HPS5: variants seen among roughly 807,000 people sequenced by gnomAD.
The protein encoded by HPS5 is BLOC-2 complex member HPS5.
HPS5 carries 83 observed loss-of-function variants against 128.0 expected under a neutral mutation model. The observed-to-expected ratio is 0.65, with a 90% confidence interval of 0.54 to 0.78. The LOEUF (loss-of-function observed/expected upper bound fraction) is 0.78. HPS5 is among the 30% of genes least tolerant of loss of function. HPS5 has a pLI of 0.00. For synonymous variants in HPS5, 475 were observed against 470.2 expected (o/e 1.01, Z -0.13); for missense variants, 1,281 against 1,326.2 (o/e 0.97, Z 0.53).
intron 10 of HPS5, 100 bp from the exon 11 acceptor site, chr11:18,297,817 C>G (rs780215996): frequency 2.6e-6 from 3 of 1,152,122 alleles, no homozygotes; most frequent in Non-Finnish European, 3.8e-6. Context: ...CGGTGGCTCA[C>G]GCCTGTAATC....
intron 9 of HPS5, among the ~76,000 whole-genome samples, chr11:18,300,204 A>G (rs1861531006): frequency 6.6e-6 from 1 of 152,188 alleles, no homozygotes; most frequent in African/African-American, 2.4e-5. Flanking sequence ...GGTACACTAT[A>G]CACTGCATGT....
In HPS5 at chr11:18,317,885, A is replaced by G. The variant is rs1863837045; in HGVS notation, c.-27T>C. ...TAGCCAGAAAGCTGAAACTTGTTGA[A>G]TGATAGATACAGTATTCCTCACCTG... is the stretch of plus-strand genomic sequence containing the variant. On this transcript the variant is annotated 5_prime_UTR_variant, in exon 2 of 23. Coordinates refer to ENST00000349215, the MANE Select transcript of HPS5 (RefSeq NM_181507.2). The G allele has an allele frequency of 6.2e-7, 1 of 1,606,722 alleles. No homozygotes were observed.
At chr11:18,289,863 A>G (rs1252756634) in intron 16 of HPS5, among the ~76,000 whole-genome samples, 2 of 152,254 alleles carry the variant, frequency 1.3e-5, no homozygotes, top group African/African-American at 4.8e-5. Context: ...AGGGTATGAT[A>G]GCTGGTTTCT....
rs772250942 is a variant in HPS5 at position 18,295,948 on chromosome 11, A to T, written c.1634+51T>A. ...CTCAGCACAAATTACCTAATGTGAG[A>T]ACTGAAATAAGATCAGTAATGGAAT... On this transcript the variant is annotated intron_variant, in intron 13 of 22. Coordinates refer to ENST00000349215, the MANE Select transcript of HPS5 (RefSeq NM_181507.2). 11 of 1,563,648 alleles carry T rather than the reference A, an allele frequency of 7.0e-6. No individual in the cohort carries two copies. In the Admixed American group the frequency reaches 1.7e-4, roughly 24 times the overall value.
chr11:18,291,579 TACTGTTGCAA>T lies in HPS5; in HGVS notation c.2293_2302del (p.Leu765ThrfsTer11). 6.2e-7 allele frequency: 1 copy of T among 1,613,048 alleles called. No individual in the cohort carries two copies. Among genetic ancestry groups the T allele is most frequent in the Non-Finnish European group, 8.5e-7 (1 of 1,179,260 alleles). On this transcript the variant is annotated frameshift_variant, in exon 16 of 23. Transcript: ENST00000349215. LOFTEE classifies it high-confidence loss of function. ...CTGGCAAGCCAGAATTTCAGGAGAG[TACTGTTGCAA>T]AGTGTGGTCCACATGTCCACTGGTG...
Position 18,317,737 on chromosome 11 carries a change from A to T in HPS5, c.108+14T>A. 6.2e-7 allele frequency: 1 copy of T among 1,612,044 alleles called. No individual in the cohort carries two copies. The highest frequency in any genetic ancestry group is 8.5e-7 in the Non-Finnish European group (1 of 1,178,910). On this transcript the variant is annotated intron_variant, in intron 2 of 22. Transcript: ENST00000349215. ...ACGTGAAAATGAAACTGATACAAGG[A>T]TCAAGAAATTCACCTTTAGACGACT...
rs897026690 is a variant in HPS5 at position 18,298,890 on chromosome 11, A to G, written c.1066T>C (p.Ser356Pro). 12 of 1,614,122 alleles carry G rather than the reference A, an allele frequency of 7.4e-6. No homozygotes were observed. The highest frequency in any genetic ancestry group is 5.0e-5 in the Admixed American group (3 of 60,018). ...NGKVSHLSLI[S>P]VERCVERLLR... The stretch of plus-strand genomic sequence containing the variant: ...AGGCGTTCCACACAGCGCTCCACAG[A>G]TATCAGGGAGAGATGTGAGACTTTC... The change falls in exon 10 of 23, where the codon TCT (serine) becomes CCT (proline). Residue 356 changes from serine to proline, a missense_variant. Ser to Pro is a moderately conservative substitution (Grantham distance 74). Coordinates refer to ENST00000349215, the MANE Select transcript of HPS5 (RefSeq NM_181507.2).
At chr11:18,308,820 A>G in intron 6 of HPS5, 126 bp downstream of exon 6, 1 of 855,024 alleles carries the variant, frequency 1.2e-6, no homozygotes. Context: ...CATCTCAAAA[A>G]AAGAAAAAAA....
chr11:18,310,432 C>A (rs1862838198), intron 5 of HPS5, among the ~76,000 whole-genome samples: 1 of 150,514 alleles, frequency 6.6e-6, no homozygotes. Flanking sequence ...AAATAGATAT[C>A]TTTTCTTTCT....
intron 8 of HPS5, among the ~76,000 whole-genome samples, chr11:18,304,216 C>CA (rs1862077501): frequency 7.4e-6 from 1 of 135,526 alleles, no homozygotes; most frequent in Non-Finnish European, 1.6e-5. Flanking sequence ...CTATAATTCA[C>CA]TTTTTTTTTT....
Position 18,279,867 on chromosome 11 carries a change from C to A in HPS5, c.*15G>T. 1.2e-6 allele frequency: 2 copies of A among 1,611,932 alleles called. No homozygotes were observed. The highest frequency in any genetic ancestry group is 1.7e-6 in the Non-Finnish European group (2 of 1,178,000). On this transcript the variant is annotated 3_prime_UTR_variant, in exon 23 of 23. Transcript: ENST00000349215. ...TTTCTCAAAATGTCATGACATCCTG[C>A]TGAATCTTCTCCCACTAGGCCTGCT...
chr11:18,286,557 A>G, intron 19 of HPS5, 34 bp downstream of exon 19: 1 of 1,608,738 alleles, frequency 6.2e-7, no homozygotes, highest in Non-Finnish European at 8.5e-7. Flanking sequence ...AAAAAAGTAA[A>G]GAAAAAAACA....
At chr11:18,286,206 T>G (rs1859687890) in intron 19 of HPS5, among the ~76,000 whole-genome samples, 1 of 152,246 alleles carries the variant, frequency 6.6e-6, no homozygotes, top group Non-Finnish European at 1.5e-5. Flanking sequence ...CATATGTGAA[T>G]AAACCAGTTC....
chr11:18,299,357 G>A (rs141014437), intron 9 of HPS5, among the ~76,000 whole-genome samples: 79 of 152,304 alleles, frequency 5.2e-4, no homozygotes, highest in Non-Finnish European at 9.1e-4. Context: ...TACAGTTCAT[G>A]AGAAAATATC....
In HPS5 at chr11:18,296,981, T is replaced by C; in HGVS notation, c.1327A>G (p.Ser443Gly). ...SRRSSISSHE[S>G]FSILDSGIYR... ...ATACCAGAGTCCAAGATGCTGAAAC[T>C]TTCCTAAAAATTAAAAGAATTCAAA... is the stretch of plus-strand genomic sequence containing the variant. Residue 443 changes from serine to glycine, a missense_variant, in exon 12 of 23, where the codon AGT becomes GGT. Ser to Gly is a moderately conservative substitution (Grantham distance 56, BLOSUM62 0). Coordinates refer to ENST00000349215, the MANE Select transcript of HPS5 (RefSeq NM_181507.2). 1.3e-6 allele frequency: 2 copies of C among 1,590,004 alleles called. No homozygotes were observed. Among genetic ancestry groups the C allele is most frequent in the East Asian group, 2.2e-5 (1 of 44,750 alleles).
intron 20 of HPS5, among the ~76,000 whole-genome samples, chr11:18,284,178 A>C (rs931074146): frequency 6.6e-6 from 1 of 152,110 alleles, no homozygotes; most frequent in South Asian, 2.1e-4. Context: ...AAAAAAAAAA[A>C]ACAAAAAACC....
At chr11:18,282,993 A>C (rs1412070110) in intron 21 of HPS5, among the ~76,000 whole-genome samples, 1 of 152,316 alleles carries the variant, frequency 6.6e-6, no homozygotes, top group East Asian at 1.9e-4. Context: ...GACGAATTCA[A>C]GGAATTTTTC....
intron 10 of HPS5, 89 bp downstream of exon 10, chr11:18,298,703 T>C: frequency 7.4e-7 from 1 of 1,357,646 alleles, no homozygotes; most frequent in East Asian, 2.3e-5. Flanking sequence ...ACAGGGTTAA[T>C]AAAATCAAGC....
At position 18,296,005 on chromosome 11, in the gene HPS5, T is replaced by A. The variant is rs767132037; in HGVS notation, c.1628A>T (p.Lys543Ile). 1.2e-6 allele frequency: 2 copies of A among 1,613,700 alleles called. No homozygotes were observed. The highest frequency in any genetic ancestry group is 8.5e-7 in the Non-Finnish European group (1 of 1,179,572). The part of the protein sequence containing the change: ...PSPLVSLQAV[K>I]ESVSSFVRKT... ...ACAAGACTAATTGGTTTACCTTTCT[T>A]TGACAGCCTGAAGAGACACAAGAGG... Residue 543 changes from lysine to isoleucine, a missense_variant, in exon 13 of 23, where the codon AAA becomes ATA. Lys to Ile is a moderately radical substitution (Grantham distance 102). Coordinates refer to ENST00000349215, the MANE Select transcript of HPS5 (RefSeq NM_181507.2).
Sources: allele counts gnomAD v4.1 joint callset (sites outside exome capture counted in the v4.1 genomes callset), GRCh38; gene constraint gnomAD v4.1.1; transcripts MANE v1.5; gene names NCBI Gene and HGNC (gene_info 2026-07-23, HGNC 2026-07-21).